The following SLC9A4 variants were observed in gnomAD, a reference collection of about 807,000 sequenced individuals.
SLC9A4 encodes the protein sodium/hydrogen exchanger 4.
SLC9A4 carries 63 observed loss-of-function variants against 67.4 expected under a neutral mutation model. The observed-to-expected ratio is 0.93, with a 90% CI of 0.76 to 1.15. The LOEUF (loss-of-function observed/expected upper bound fraction) is 1.15, where lower values mean the gene tolerates loss of function less well. SLC9A4 is among the 50% of genes most tolerant of loss of function. The pLI is 0.00. For synonymous variants in SLC9A4, 393 were observed against 367.2 expected (o/e 1.07, Z -0.80); for missense variants, 1,089 against 987.7 (o/e 1.10, Z -1.38).
chr2:102,523,149 A>AT (rs1674573438), intron 9 of SLC9A4, among the ~76,000 whole-genome samples: 1 of 141,408 alleles, frequency 7.1e-6, no homozygotes, highest in Non-Finnish European at 1.6e-5. Context: ...TTTTTTTTGT[A>AT]TTTTTTGTAG....
At position 102,473,543 on chromosome 2, in the gene SLC9A4, G is replaced by C; in HGVS notation, c.-217G>C. ...CTATTGAATAACTGCATTTGAGTTG[G>C]AAGCTGAGTTGCCTGAACACAAACG... On this transcript the variant is annotated 5_prime_UTR_variant, in exon 1 of 12. Transcript: ENST00000295269. 2 of 563,408 alleles carry C rather than the reference G, an allele frequency of 3.5e-6. No homozygotes were observed. The highest frequency in any genetic ancestry group is 6.2e-6 in the Non-Finnish European group (2 of 323,446). The allele number at this position is 563,408 out of a possible 1,614,324, so 34.9% of individuals were successfully genotyped here.
At chr2:102,508,307 A>T in intron 5 of SLC9A4, 26 bp downstream of exon 5, 1 of 1,549,360 alleles carries the variant, frequency 6.5e-7, no homozygotes, top group Admixed American at 1.8e-5. Context: ...TTATATTTAA[A>T]TAAATAGGTT....
At chr2:102,530,388 T>C (rs2104452344) in intron 11 of SLC9A4, among the ~76,000 whole-genome samples, 1 of 152,354 alleles carries the variant, frequency 6.6e-6, no homozygotes, top group South Asian at 2.1e-4. Context: ...GGTGCCCATG[T>C]GGAGGAGAGT....
chr2:102,523,188 T>G (rs1376273402), intron 9 of SLC9A4, among the ~76,000 whole-genome samples: 3 of 152,066 alleles, frequency 2.0e-5, no homozygotes, highest in Non-Finnish European at 2.9e-5. Context: ...TTACTCAGGT[T>G]GGTCTCAAAC....
chr2:102,519,936 T>A lies in SLC9A4; in HGVS notation c.1799T>A (p.Met600Lys). Reference protein sequence around the residue: ...ESIRDILTSNMYQVRQRTLSY... With the variant: ...ESIRDILTSNKYQVRQRTLSY... ...ATAAGGGACATTCTGACATCCAACA[T>A]GTACCAAGTTCGGCAAAGGGTGTGT... Residue 600 changes from methionine (M) to lysine (K), a missense_variant, in exon 9 of 12, where the codon ATG (methionine) becomes AAG (lysine). Transcript: ENST00000295269. The A allele has an allele frequency of 6.2e-7, 1 of 1,613,622 alleles. No homozygotes were observed. Among genetic ancestry groups the A allele is most frequent in the Non-Finnish European group, 8.5e-7 (1 of 1,179,602 alleles).
intron 2 of SLC9A4, among the ~76,000 whole-genome samples, chr2:102,498,893 G>C (rs1199361998): frequency 6.6e-6 from 1 of 152,180 alleles, no homozygotes; most frequent in East Asian, 1.9e-4. Context: ...GTCCTTCATG[G>C]ATCAGACACT....
chr2:102,512,848 C>G (rs545068285), intron 7 of SLC9A4, among the ~76,000 whole-genome samples: 78 of 152,248 alleles, frequency 5.1e-4, no homozygotes, highest in Admixed American at 9.2e-4. Flanking sequence ...TGGAAGCTCA[C>G]TGAGGATGGG....
At chr2:102,531,991 C>G (rs1021548541) in intron 11 of SLC9A4, among the ~76,000 whole-genome samples, 6 of 152,228 alleles carry the variant, frequency 3.9e-5, no homozygotes, top group African/African-American at 1.4e-4. Flanking sequence ...TGGCTTTGGA[C>G]AAGACCAAGC....
intron 2 of SLC9A4, among the ~76,000 whole-genome samples, chr2:102,500,620 C>T (rs995348389): frequency 6.6e-6 from 1 of 152,148 alleles, no homozygotes; most frequent in Admixed American, 6.6e-5. Context: ...AGCCATGCCC[C>T]TCACTGCCAG....
chr2:102,488,394 G>T lies in SLC9A4; in HGVS notation c.720+9092G>T, dbSNP rs1190850623. Among the ~76,000 whole-genome samples the T allele has an allele frequency of 2.0e-5, 3 of 152,246 alleles. No homozygotes were observed. In the East Asian group the frequency reaches 5.8e-4, roughly 29 times the overall value. ...TACACAGGCCTGGATGGGAGCACTA[G>T]ATCCAGGCGATGGGTGAGGGAGGAA... On this transcript the variant is annotated intron_variant, in intron 2 of 11. Coordinates refer to ENST00000295269, the MANE Select transcript of SLC9A4 (RefSeq NM_001011552.4).
At chr2:102,527,072 A>T (rs1373091369) in intron 11 of SLC9A4, among the ~76,000 whole-genome samples, 1 of 152,228 alleles carries the variant, frequency 6.6e-6, no homozygotes, top group East Asian at 1.9e-4. Flanking sequence ...CCTCAAAATG[A>T]AACTTTTTTT....
At chr2:102,504,480 T>C (rs778716349) in intron 3 of SLC9A4, among the ~76,000 whole-genome samples, 1 of 152,232 alleles carries the variant, frequency 6.6e-6, no homozygotes, top group Admixed American at 6.5e-5. Flanking sequence ...ATTTCCTTGC[T>C]CTAATGAAAA....
chr2:102,486,770 A>T, intron 2 of SLC9A4, among the ~76,000 whole-genome samples: 1 of 152,052 alleles, frequency 6.6e-6, no homozygotes, highest in Middle Eastern at 3.2e-3. Flanking sequence ...GTGAAATGAG[A>T]CTTCGGATGC....
rs1573333232 is a variant in SLC9A4, at chr2:102,490,628, G to C, written c.720+11326G>C. ...CCCCAACATATAAATTTGGAGAGGGGGGCATGATTCAACCCGTAGCTGACC... is the reference window on the plus strand; with the variant it reads ...CCCCAACATATAAATTTGGAGAGGGCGGCATGATTCAACCCGTAGCTGACC... On this transcript the variant is annotated intron_variant, in intron 2 of 11. Coordinates refer to ENST00000295269, the MANE Select transcript of SLC9A4 (RefSeq NM_001011552.4). Among the ~76,000 whole-genome samples the C allele has an allele frequency of 2.0e-5, 3 of 152,140 alleles. No individual in the cohort carries two copies. The East Asian group carries it at 5.8e-4, about 29-fold the overall frequency.
chr2:102,491,744 C>T (rs1398196344), intron 2 of SLC9A4, among the ~76,000 whole-genome samples: 2 of 152,130 alleles, frequency 1.3e-5, no homozygotes, highest in African/African-American at 2.4e-5. Context: ...ATTTCAAAAC[C>T]AATCATGCCT....
intron 2 of SLC9A4, among the ~76,000 whole-genome samples, chr2:102,482,832 G>A (rs987417268): frequency 6.6e-6 from 1 of 152,168 alleles, no homozygotes; most frequent in Non-Finnish European, 1.5e-5. Flanking sequence ...AATTTTCACA[G>A]CATATTCTTT....
Position 102,525,010 on chromosome 2 carries a change from C to A in SLC9A4, c.1819-14C>A. 1.2e-6 allele frequency: 2 copies of A among 1,613,656 alleles called. No individual in the cohort carries two copies. The highest frequency in any genetic ancestry group is 1.7e-6 in the Non-Finnish European group (2 of 1,179,756). The stretch of plus-strand genomic sequence containing the variant: ...AGGAGTCCTTACGTATTTGACATTC[C>A]ATTTTCTCTGCAGACCCTGTCCTAC... On this transcript the variant is annotated splice_polypyrimidine_tract_variant and intron_variant, in intron 9 of 11. Coordinates refer to ENST00000295269, the MANE Select transcript of SLC9A4 (RefSeq NM_001011552.4).
At chr2:102,531,213 C>T (rs1398527745) in intron 11 of SLC9A4, among the ~76,000 whole-genome samples, 1 of 151,842 alleles carries the variant, frequency 6.6e-6, no homozygotes, top group African/African-American at 2.4e-5. Context: ...CAGGTGCCCA[C>T]CACCACGCCC....
In SLC9A4 at chr2:102,479,089, C is replaced by T. The variant is rs61731288; in HGVS notation, c.507C>T (p.Asn169=). The change falls in exon 2 of 12, where the codon AAC becomes AAT. Residue 169 remains asparagine (N), a synonymous_variant. Transcript: ENST00000295269. ...LWWAVLGALI[N]ALGIGLSLYL... is the part of the protein sequence containing the mutation. ...GGGCAGTATTGGGGGCCCTGATCAA[C>T]GCCTTGGGCATTGGCCTCTCCCTCT... 3,644 of 1,614,202 alleles carry T rather than the reference C, an allele frequency of 2.3e-3. 68 individuals are homozygous for T. In the African/African-American group the frequency reaches 0.041, roughly 18 times the overall value.
Sources: allele counts gnomAD v4.1 joint callset (sites outside exome capture counted in the v4.1 genomes callset), GRCh38; gene constraint gnomAD v4.1.1; transcripts MANE v1.5; gene names NCBI Gene and HGNC (gene_info 2026-07-23, HGNC 2026-07-21).